The following TRIM33 variants were observed in gnomAD, a reference collection of about 807,000 sequenced individuals.
TRIM33 encodes E3 ubiquitin-protein ligase TRIM33.
TRIM33 carries 20 observed loss-of-function variants against 125.4 expected under a neutral mutation model. That is an observed-to-expected ratio of 0.16 (90% CI 0.11 to 0.23). The LOEUF is 0.23. TRIM33 is among the 10% of genes least tolerant of loss of function. The probability of loss-of-function intolerance (pLI) is 1.00; values close to 1 mark genes in which losing one functional copy is unlikely to be tolerated. For synonymous variants in TRIM33, 564 were observed against 513.9 expected (o/e 1.10, Z -1.32); for missense variants, 920 against 1,411.4 (o/e 0.65, Z 5.58).
At chr1:114,409,115 T>C (rs1380524562) in intron 12 of TRIM33, among the ~76,000 whole-genome samples, 1 of 152,256 alleles carries the variant, frequency 6.6e-6, no homozygotes, top group East Asian at 1.9e-4. Flanking sequence ...TAAAAATATG[T>C]TAATGTTGCA....
intron 15 of TRIM33, among the ~76,000 whole-genome samples, chr1:114,403,809 C>T (rs138880660): frequency 0.026 from 3,911 of 152,036 alleles, 86 homozygotes; most frequent in Non-Finnish European, 0.034. Flanking sequence ...CACAGGCACC[C>T]GCCACCATGC....
Position 114,422,183 on chromosome 1 carries a change from A to G in TRIM33, c.1861-547T>C, listed in dbSNP as rs568608560. On this transcript the variant is annotated intron_variant, in intron 10 of 19. Coordinates refer to ENST00000358465, the MANE Select transcript of TRIM33 (RefSeq NM_015906.4). ...CATTGTGAGGGCTGTTATGAGGATC[A>G]TTTAAGACAATATAGAAGAAAATCT... 5.7e-4 allele frequency among the ~76,000 whole-genome samples: 87 copies of G among 152,360 alleles called. No homozygotes were observed. In the South Asian group the frequency reaches 7.7e-3, roughly 13 times the overall value.
chr1:114,413,120 T>C (rs2101116962), intron 11 of TRIM33, among the ~76,000 whole-genome samples: 1 of 152,322 alleles, frequency 6.6e-6, no homozygotes, highest in South Asian at 2.1e-4. Flanking sequence ...GATCTTAACA[T>C]CTTTTCACAA....
chr1:114,483,061 T>C (rs181157168), intron 1 of TRIM33, among the ~76,000 whole-genome samples: 1 of 152,220 alleles, frequency 6.6e-6, no homozygotes. Flanking sequence ...TCCCAGCACT[T>C]TGGGAGGCTG....
chr1:114,475,044 A>G (rs753746826), intron 1 of TRIM33, among the ~76,000 whole-genome samples: 3 of 152,186 alleles, frequency 2.0e-5, no homozygotes, highest in Non-Finnish European at 2.9e-5. Flanking sequence ...ATGTGTACAT[A>G]ACAAGACAGC....
intron 10 of TRIM33, among the ~76,000 whole-genome samples, chr1:114,423,183 G>A (rs1020532879): frequency 6.6e-6 from 1 of 152,080 alleles, no homozygotes. Context: ...GAGATATAAC[G>A]ATAATTTGGT....
chr1:114,412,240 T>C (rs1431036191), intron 11 of TRIM33, among the ~76,000 whole-genome samples: 2 of 152,218 alleles, frequency 1.3e-5, no homozygotes, highest in African/African-American at 4.8e-5. Flanking sequence ...CTATGTGAAA[T>C]TTAAATGTGT....
rs1175002765 is a variant in TRIM33 at position 114,452,432 on chromosome 1, C to T, written c.923+10672G>A. Among the ~76,000 whole-genome samples the T allele has an allele frequency of 4.0e-5, 6 of 151,850 alleles. No individual in the cohort carries two copies. In the East Asian group the frequency reaches 9.6e-4, roughly 24 times the overall value. ...CCCAGATCACGCCACTACACTCCAG[C>T]CTGGCAACAGAGTGAGACTCTGTCT... On this transcript the variant is annotated intron_variant, in intron 4 of 19. Coordinates refer to ENST00000358465, the MANE Select transcript of TRIM33 (RefSeq NM_015906.4).
At position 114,424,665 on chromosome 1, in the gene TRIM33, C is replaced by T; in HGVS notation, c.1786G>A (p.Ala596Thr). Residue 596 changes from alanine to threonine, a missense_variant, in exon 10 of 20, where the codon GCT (alanine) becomes ACT (threonine). This residue lies in a region of TRIM33 where 407 missense variants were observed against 589.7 expected (regional missense o/e 0.69). Transcript: ENST00000358465. ...QAHQMRLAQN[A>T]ARIPGIPRHS... ...CTGGGTATCCCTGGTATTCTGGCAG[C>T]ATTCTGAGCCAGTCTCATCTGATGG... 6.2e-7 allele frequency: 1 copy of T among 1,611,658 alleles called. No homozygotes were observed. Among genetic ancestry groups the T allele is most frequent in the Non-Finnish European group, 8.5e-7 (1 of 1,178,660 alleles).
chr1:114,410,632 T>C (rs377135544), intron 11 of TRIM33, among the ~76,000 whole-genome samples: 1 of 152,336 alleles, frequency 6.6e-6, no homozygotes, highest in African/African-American at 2.4e-5. Context: ...TTATCAGTAT[T>C]CTTGTCCCCA....
chr1:114,405,588 T>C lies in TRIM33; in HGVS notation c.2590A>G (p.Ile864Val), dbSNP rs115508967. The change falls in exon 15 of 20, where the codon ATT (isoleucine) becomes GTT (valine). Residue 864 changes from isoleucine (I) to valine (V), a missense_variant. By Grantham distance (29) the Ile-to-Val change is conservative. This residue lies in a region of TRIM33 where 407 missense variants were observed against 589.7 expected (regional missense o/e 0.69). Coordinates refer to ENST00000358465, the MANE Select transcript of TRIM33 (RefSeq NM_015906.4). ...LSSLVNGKSPIRSLMHRSARI... is the reference protein window; with the variant it reads ...LSSLVNGKSPVRSLMHRSARI... ...GCCGACCTGTGCATGAGGCTTCGAATTGGGGACTTTCCATTAACAAGGCTG... is the reference window on the plus strand; with the variant it reads ...GCCGACCTGTGCATGAGGCTTCGAACTGGGGACTTTCCATTAACAAGGCTG... The C allele has an allele frequency of 1.6e-4, 260 of 1,614,190 alleles. No homozygotes were observed. The Middle Eastern group carries it at 2.1e-3, about 13-fold the overall frequency.
At chr1:114,427,638 G>T in intron 7 of TRIM33, 110 bp downstream of exon 7, 1 of 1,107,892 alleles carries the variant, frequency 9.0e-7, no homozygotes, top group Non-Finnish European at 1.3e-6. Context: ...TTGATGTGGT[G>T]GTGGTTACAT....
chr1:114,460,387 T>G (rs911421471), intron 4 of TRIM33: 1 of 153,282 alleles, frequency 6.5e-6, no homozygotes. Context: ...ATACAAACTT[T>G]CATTGAAACT....
At chr1:114,398,652 C>T (rs1403611646) in intron 18 of TRIM33, among the ~76,000 whole-genome samples, 4 of 152,004 alleles carry the variant, frequency 2.6e-5, no homozygotes, top group Admixed American at 2.0e-4. Context: ...GAATACGTTA[C>T]AGGATCCAAT....
intron 4 of TRIM33, among the ~76,000 whole-genome samples, chr1:114,456,073 G>C (rs1048114291): frequency 1.3e-5 from 2 of 152,186 alleles, no homozygotes; most frequent in Non-Finnish European, 2.9e-5. Context: ...TAAACATTTA[G>C]ATTAAAACTA....
intron 1 of TRIM33, among the ~76,000 whole-genome samples, chr1:114,502,845 CT>C (rs1232752100): frequency 6.6e-6 from 1 of 152,100 alleles, no homozygotes; most frequent in Non-Finnish European, 1.5e-5. Flanking sequence ...TCAGAAATAA[CT>C]GTATTTCCTA....
At position 114,397,585 on chromosome 1, in the gene TRIM33, TTGTG is replaced by T; in HGVS notation, c.*59_*62del. The T allele has an allele frequency of 8.0e-7, 1 of 1,245,092 alleles. No individual in the cohort carries two copies. Among genetic ancestry groups the T allele is most frequent in the East Asian group, 2.4e-5 (1 of 40,836 alleles). The allele number at this position is 1,245,092 out of a possible 1,614,324, so 77.1% of individuals were successfully genotyped here. A position where few individuals can be genotyped will look rare whatever the true frequency, so the allele number is the denominator to read the frequency against. ...AACACTTAAAAGTTTTCTGGGTTTT[TTGTG>T]TTTTTTTTTTTTTTTTCGTTTTTTT... is the stretch of plus-strand genomic sequence containing the variant. On this transcript the variant is annotated 3_prime_UTR_variant, in exon 20 of 20. Coordinates refer to ENST00000358465, the MANE Select transcript of TRIM33 (RefSeq NM_015906.4).
intron 4 of TRIM33, chr1:114,459,821 C>T (rs1360830260): frequency 1.3e-5 from 2 of 152,252 alleles, no homozygotes; most frequent in African/African-American, 4.8e-5. Flanking sequence ...CTGGACTAAG[C>T]TCCTGCACTA....
chr1:114,503,187 A>G (rs1166940963), intron 1 of TRIM33, among the ~76,000 whole-genome samples: 1 of 152,190 alleles, frequency 6.6e-6, no homozygotes, highest in Non-Finnish European at 1.5e-5. Flanking sequence ...CTCGCGTTAA[A>G]ATCTATTTAT....
Sources: gnomAD v4.1 joint callset for allele counts (sites outside exome capture counted in the v4.1 genomes callset) on GRCh38, gnomAD v4.1.1 for gene constraint, gnomAD v4.1.1 regional missense constraint, MANE v1.5 for transcripts, NCBI Gene and HGNC (gene_info 2026-07-23, HGNC 2026-07-21) for gene names.